The following COL15A1 variants were observed in gnomAD, a reference collection of about 807,000 sequenced individuals.
The protein encoded by COL15A1 is collagen alpha-1(XV) chain.
A neutral mutation model predicts 165.9 loss-of-function variants in COL15A1; 111 were observed. The ratio of observed to expected loss-of-function variants is 0.67; its 90% CI spans 0.57 to 0.78. The LOEUF is 0.78. COL15A1 is among the 30% of genes least tolerant of loss of function. The pLI is 0.00. For missense variants in COL15A1, 1,745 were observed against 1,789.7 expected (o/e 0.98, Z 0.45); for synonymous variants, 659 against 674.8 (o/e 0.98, Z 0.36).
chr9:99,055,589 A>G (rs1564089761), intron 34 of COL15A1, among the ~76,000 whole-genome samples: 1 of 152,224 alleles, frequency 6.6e-6, no homozygotes. Flanking sequence ...GAAGGTAGGT[A>G]ACTTCCAGGC....
At chr9:98,948,803 T>C (rs141159598) in intron 2 of COL15A1, among the ~76,000 whole-genome samples, 21 of 152,322 alleles carry the variant, frequency 1.4e-4, no homozygotes, top group African/African-American at 5.1e-4. Flanking sequence ...AGTAATTTGC[T>C]CTTGCTAATA....
At chr9:98,969,929 T>C (rs934266072) in intron 2 of COL15A1, among the ~76,000 whole-genome samples, 59 of 152,112 alleles carry the variant, frequency 3.9e-4, no homozygotes, top group African/African-American at 1.4e-3. Flanking sequence ...TGTGAAGAAG[T>C]CAGGGGCTAT....
At chr9:99,068,742 C>A (rs1825936809) in intron 41 of COL15A1, 72 bp downstream of exon 41, 2 of 859,686 alleles carry the variant, frequency 2.3e-6, no homozygotes, top group Non-Finnish European at 1.8e-6. Context: ...AATGGGATGC[C>A]TTTATCAGCT....
intron 39 of COL15A1, 98 bp downstream of exon 39, chr9:99,063,207 TTA>T: frequency 7.5e-7 from 1 of 1,334,332 alleles, no homozygotes; most frequent in East Asian, 2.9e-5. Flanking sequence ...ATCATGATAC[TTA>T]TAGACTAGTG....
At chr9:99,018,624 G>A (rs1170140308) in intron 11 of COL15A1, among the ~76,000 whole-genome samples, 1 of 152,124 alleles carries the variant, frequency 6.6e-6, no homozygotes, top group Admixed American at 6.5e-5. Context: ...AATTTAATTA[G>A]CCAACAATAG....
intron 2 of COL15A1, among the ~76,000 whole-genome samples, chr9:98,958,462 C>T (rs1221721650): frequency 2.6e-5 from 4 of 152,084 alleles, no homozygotes; most frequent in East Asian, 1.9e-4. Flanking sequence ...TGCTCATTCC[C>T]CCTGTCTAGT....
intron 11 of COL15A1, among the ~76,000 whole-genome samples, chr9:99,019,288 G>A (rs1838987914): frequency 6.6e-6 from 1 of 152,162 alleles, no homozygotes; most frequent in Non-Finnish European, 1.5e-5. Flanking sequence ...CCGCCTCTTA[G>A]GCTCAAGCGA....
At chr9:99,025,123 G>C in intron 15 of COL15A1, 124 bp downstream of exon 15, 1 of 707,048 alleles carries the variant, frequency 1.4e-6, no homozygotes, top group Non-Finnish European at 2.3e-6. Context: ...GCAGCTAGCT[G>C]TTTGTAAACA....
At chr9:98,975,840 G>A (rs1838133473) in intron 2 of COL15A1, among the ~76,000 whole-genome samples, 1 of 152,200 alleles carries the variant, frequency 6.6e-6, no homozygotes, top group Admixed American at 6.5e-5. Context: ...GGCCCTTTTT[G>A]CAGAGTGAGA....
chr9:98,977,479 C>T (rs186245675), intron 2 of COL15A1, among the ~76,000 whole-genome samples: 75 of 152,352 alleles, frequency 4.9e-4, no homozygotes, highest in African/African-American at 1.4e-3. Context: ...CAGGCCCAGG[C>T]GCAGCCGCGA....
intron 2 of COL15A1, among the ~76,000 whole-genome samples, chr9:98,953,325 A>T (rs554689522): frequency 1.2e-4 from 19 of 152,282 alleles, no homozygotes; most frequent in Non-Finnish European, 1.9e-4. Flanking sequence ...GGAAAAGTCT[A>T]GGGTTAGAGC....
chr9:99,005,739 C>G (rs1185623753), intron 9 of COL15A1, among the ~76,000 whole-genome samples: 1 of 152,220 alleles, frequency 6.6e-6, no homozygotes, highest in Non-Finnish European at 1.5e-5. Flanking sequence ...GAATCGCCGG[C>G]TCTGTCCTCC....
intron 35 of COL15A1, among the ~76,000 whole-genome samples, chr9:99,057,798 G>T (rs1825746233): frequency 6.6e-6 from 1 of 152,190 alleles, no homozygotes; most frequent in Non-Finnish European, 1.5e-5. Context: ...CAGGAGCCAG[G>T]TATGGTGGAA....
At chr9:98,998,377 C>T (rs1040666559) in intron 6 of COL15A1, among the ~76,000 whole-genome samples, 1 of 152,086 alleles carries the variant, frequency 6.6e-6, no homozygotes, top group Non-Finnish European at 1.5e-5. Flanking sequence ...GTATAGAGAA[C>T]TGGAGAGAAA....
chr9:99,061,718 T>C (rs1327475905), intron 36 of COL15A1, among the ~76,000 whole-genome samples: 1 of 152,256 alleles, frequency 6.6e-6, no homozygotes, highest in Non-Finnish European at 1.5e-5. Context: ...ACTCACATAA[T>C]ATTGTCATTT....
Position 99,035,152 on chromosome 9 carries a change from G to C in COL15A1, c.2218G>C (p.Glu740Gln). The change falls in exon 18 of 42, where the codon GAG (glutamate) becomes CAG (glutamine). Residue 740 changes from glutamate to glutamine, a missense_variant and splice_region_variant. Transcript: ENST00000375001. Reference protein sequence around the residue: ...GPGCTMGLGFEDTEGSGSTQL... With the variant: ...GPGCTMGLGFQDTEGSGSTQL... ...TGGATGCACAATGGGACTTGGATTC[G>C]AGGTACTTTTCCCCTTTTCTGTGGT... The C allele has an allele frequency of 6.3e-7, 1 of 1,592,162 alleles. No homozygotes were observed. Among genetic ancestry groups the C allele is most frequent in the Non-Finnish European group, 8.5e-7 (1 of 1,171,770 alleles).
intron 2 of COL15A1, among the ~76,000 whole-genome samples, chr9:98,965,905 C>T (rs1393220277): frequency 2.6e-5 from 4 of 152,070 alleles, no homozygotes; most frequent in Admixed American, 1.3e-4. Context: ...CAGAGCCCAG[C>T]CCAGGTCACC....
Position 99,047,937 on chromosome 9 carries a change from C to T in COL15A1, c.2734-4C>T. ...TTTACTGAGGTGTCTGCTGTGGGTTCCAGGGTCGCCCAGGACTGAATGGCC... is the reference window on the plus strand; with the variant it reads ...TTTACTGAGGTGTCTGCTGTGGGTTTCAGGGTCGCCCAGGACTGAATGGCC... On this transcript the variant is annotated splice_region_variant and splice_polypyrimidine_tract_variant and intron_variant, in intron 27 of 41. Transcript: ENST00000375001. 6.2e-7 allele frequency: 1 copy of T among 1,609,190 alleles called. No individual in the cohort carries two copies. Among genetic ancestry groups the T allele is most frequent in the East Asian group, 2.2e-5 (1 of 44,824 alleles).
intron 2 of COL15A1, among the ~76,000 whole-genome samples, chr9:98,963,456 G>A (rs1404765286): frequency 6.6e-6 from 1 of 152,134 alleles, no homozygotes; most frequent in East Asian, 1.9e-4. Flanking sequence ...ACTCCCAACA[G>A]GTTCCTTGTT....
Sources: gnomAD v4.1 joint callset for allele counts (sites outside exome capture counted in the v4.1 genomes callset) on GRCh38, gnomAD v4.1.1 for gene constraint, MANE v1.5 for transcripts, NCBI Gene and HGNC (gene_info 2026-07-23, HGNC 2026-07-21) for gene names.